The following TLE6 variants were observed in gnomAD, a reference collection of about 807,000 sequenced individuals.
The protein encoded by TLE6 is transducin-like enhancer protein 6.
Under a neutral mutation model 77.1 loss-of-function variants are expected in TLE6, and 72 were observed. The observed-to-expected ratio is 0.93, with a 90% CI of 0.77 to 1.14. TLE6 has a LOEUF of 1.14. Ranked by LOEUF, TLE6 falls within the 50% of genes most tolerant of loss-of-function variation. TLE6 has a pLI of 0.00. For missense variants in TLE6, 843 were observed against 747.6 expected (o/e 1.13, Z -1.49); for synonymous variants, 366 against 287.3 (o/e 1.27, Z -2.77).
intron 1 of TLE6, among the ~76,000 whole-genome samples, 199 bp downstream of exon 1, chr19:2,977,809 G>T (rs488211): frequency 0.7 from 107,072 of 152,024 alleles, 38,143 homozygotes; most frequent in East Asian, 0.99. Context: ...CTAACTCCTA[G>T]TCATCCTTCA....
intron 13 of TLE6, among the ~76,000 whole-genome samples, chr19:2,990,280 A>G (rs2089015219): frequency 6.6e-6 from 1 of 151,784 alleles, no homozygotes; most frequent in Non-Finnish European, 1.5e-5. Context: ...AATTAAATAG[A>G]ATTTTTATAT....
chr19:2,980,133 C>A lies in TLE6; in HGVS notation c.85C>A (p.Pro29Thr). Residue 29 changes from proline to threonine, a missense_variant, in exon 3 of 17, where the codon CCG (proline) becomes ACG (threonine). Physicochemically the swap from Pro to Thr is conservative, Grantham distance 38. Coordinates refer to ENST00000246112, the MANE Select transcript of TLE6 (RefSeq NM_001143986.2). ...CPGISNSESS[P>T]TLNYQGILNR... The stretch of plus-strand genomic sequence containing the variant: ...TGGGATCTCGAACTCTGAGAGCTCT[C>A]CGACGCTGAATTATCAGGGCATTCT... 6.4e-7 allele frequency: 1 copy of A among 1,550,390 alleles called. No individual in the cohort carries two copies.
chr19:2,980,306 A>T, intron 3 of TLE6, 124 bp downstream of exon 3: 1 of 690,660 alleles, frequency 1.4e-6, no homozygotes, highest in Non-Finnish European at 2.4e-6. Flanking sequence ...AGGAACAGGA[A>T]GCCATGCAGA....
In TLE6 at chr19:2,981,566, G is replaced by A; in HGVS notation, c.163G>A (p.Glu55Lys). 6.4e-7 allele frequency: 1 copy of A among 1,551,574 alleles called. No individual in the cohort carries two copies. Residue 55 changes from glutamate (E) to lysine (K), a missense_variant, in exon 4 of 17, where the codon GAG (glutamate) becomes AAG (lysine). Transcript: ENST00000246112. ...TTCTCCTCATTTTGCTGCGGAGTTG[G>A]AGAGCATTTACTACTCGGTGAGCCA... ...RFSPHFAAEL[E>K]SIYYSLHKIQ...
chr19:2,990,486 C>T (rs925888027), intron 13 of TLE6, among the ~76,000 whole-genome samples: 3 of 150,694 alleles, frequency 2.0e-5, no homozygotes, highest in Admixed American at 1.3e-4. Flanking sequence ...TACCTGTAGT[C>T]CCAGCTACTC....
intron 16 of TLE6, 97 bp from the exon 17 acceptor site, chr19:2,994,799 GTCTT>G (rs2089172300): frequency 1.5e-6 from 1 of 672,684 alleles, no homozygotes; most frequent in Non-Finnish European, 2.6e-6. Context: ...GCAAGACCCT[GTCTT>G]TCTTTGAAGA....
intron 14 of TLE6, 141 bp from the exon 15 acceptor site, chr19:2,993,291 C>A (rs913475372): frequency 4.0e-6 from 3 of 748,926 alleles, no homozygotes; most frequent in East Asian, 3.1e-5. Context: ...GGCACAGATA[C>A]GAAGTTGCTT....
At chr19:2,980,790 C>T (rs1599150079) in intron 3 of TLE6, among the ~76,000 whole-genome samples, 1 of 150,690 alleles carries the variant, frequency 6.6e-6, no homozygotes, top group East Asian at 1.9e-4. Context: ...GTGGCTTGCA[C>T]TTGTAATCCC....
At chr19:2,984,599 C>A (rs1460088314) in intron 5 of TLE6, among the ~76,000 whole-genome samples, 1 of 152,098 alleles carries the variant, frequency 6.6e-6, no homozygotes, top group African/African-American at 2.4e-5. Flanking sequence ...TCCCAAGTAG[C>A]TGGGATTACA....
rs1466421828 is a variant in TLE6 at position 2,993,872 on chromosome 19, A to C, written c.1538-147A>C. 6.5e-6 allele frequency: 5 copies of C among 774,296 alleles called. No individual in the cohort carries two copies. The African/African-American group carries it at 7.6e-5, about 12-fold the overall frequency. The allele number at this position is 774,296 out of a possible 1,614,324, so 48.0% of individuals were successfully genotyped here. A position where few individuals can be genotyped will look rare whatever the true frequency, so the allele number is the denominator to read the frequency against. On this transcript the variant is annotated intron_variant, in intron 15 of 16. Coordinates refer to ENST00000246112, the MANE Select transcript of TLE6 (RefSeq NM_001143986.2). ...GCTGAGGCCACAGTGAACTGTGATC[A>C]TACCACTGACTGTAGTCCAGCCTGG...
chr19:2,988,406 G>C (rs967043981), intron 11 of TLE6, among the ~76,000 whole-genome samples: 2 of 152,048 alleles, frequency 1.3e-5, no homozygotes, highest in Admixed American at 6.6e-5. Flanking sequence ...AACATCCTGG[G>C]TAACACGGTG....
intron 2 of TLE6, 41 bp downstream of exon 2, chr19:2,978,325 C>T (rs1027658687): frequency 6.5e-7 from 1 of 1,548,526 alleles, no homozygotes; most frequent in South Asian, 1.2e-5. Flanking sequence ...CAAGGGAAAC[C>T]CGGGCCCAAT....
Position 2,989,679 on chromosome 19 carries a change from C to T in TLE6, c.1138C>T (p.Leu380Phe). 6.2e-7 allele frequency: 1 copy of T among 1,614,202 alleles called. No individual in the cohort carries two copies. The highest frequency in any genetic ancestry group is 8.5e-7 in the Non-Finnish European group (1 of 1,180,034). ...GAAGGAGCAGTTGCCCTGTGCAGGT[C>T]TCAACTGCCAGGCCCTGGATGCCAA... is the stretch of plus-strand genomic sequence containing the variant. The part of the protein sequence containing the change: ...HVKEQLPCAG[L>F]NCQALDANLD... The change falls in exon 13 of 17, where the codon CTC (leucine) becomes TTC (phenylalanine). Residue 380 changes from leucine (L) to phenylalanine (F), a missense_variant. Leu to Phe is a conservative substitution (Grantham distance 22, BLOSUM62 0). Coordinates refer to ENST00000246112, the MANE Select transcript of TLE6 (RefSeq NM_001143986.2).
intron 8 of TLE6, 26 bp from the exon 9 acceptor site, chr19:2,987,698 C>T (rs762053286): frequency 2.2e-5 from 35 of 1,613,604 alleles, no homozygotes; most frequent in Admixed American, 3.3e-5. Flanking sequence ...GGTCAGCAGG[C>T]CTGATGAGAC....
At chr19:2,979,964 C>CAG in intron 2 of TLE6, 136 bp from the exon 3 acceptor site, 1 of 367,224 alleles carries the variant, frequency 2.7e-6, no homozygotes, top group Non-Finnish European at 4.8e-6. Flanking sequence ...ACTCGGTTTC[C>CAG]AAAAAAAAAA....
chr19:2,991,807 T>C (rs781711716), intron 13 of TLE6, 36 bp from the exon 14 acceptor site: 1 of 1,610,844 alleles, frequency 6.2e-7, no homozygotes, highest in Non-Finnish European at 8.5e-7. Context: ...CCTCAGAGTC[T>C]TGACCTGATT....
intron 2 of TLE6, 146 bp from the exon 3 acceptor site, chr19:2,979,954 A>G (rs962911151): frequency 8.5e-6 from 4 of 470,228 alleles, no homozygotes; most frequent in Non-Finnish European, 1.5e-5. Context: ...ACAGAGCAAG[A>G]CTCGGTTTCC....
rs576938 is a variant in TLE6, at chr19:2,980,543, C to T, written c.134+361C>T. ...TTGAGGTCAGGAGATCAAGATCAGC[C>T]TGGCCAACATGGTGAAACCGCGTCT... On this transcript the variant is annotated intron_variant, in intron 3 of 16. Coordinates refer to ENST00000246112, the MANE Select transcript of TLE6 (RefSeq NM_001143986.2). 455 of 172,028 alleles carry T rather than the reference C, an allele frequency of 2.6e-3. 2 individuals carry two copies. Among genetic ancestry groups the T allele is most frequent in the African/African-American group, 8.7e-3 (343 of 39,610 alleles). The allele number at this position is 172,028 out of a possible 1,614,324, so 10.7% of individuals were successfully genotyped here. A position where few individuals can be genotyped will look rare whatever the true frequency, so the allele number is the denominator to read the frequency against.
chr19:2,978,367 G>A (rs1015226291), intron 2 of TLE6, 83 bp downstream of exon 2: 4 of 1,419,276 alleles, frequency 2.8e-6, no homozygotes, highest in African/African-American at 2.8e-5. Context: ...CTGTGACCTG[G>A]GCTGGCCCCG....
Sources: allele counts gnomAD v4.1 joint callset (sites outside exome capture counted in the v4.1 genomes callset), GRCh38; gene constraint gnomAD v4.1.1; transcripts MANE v1.5; gene names NCBI Gene and HGNC (gene_info 2026-07-23, HGNC 2026-07-21).